Variants in MED23 observed in about 807,000 individuals in gnomAD.
MED23 encodes the protein mediator complex subunit 23, also known as mediator of RNA polymerase II transcription subunit 23.
A neutral mutation model predicts 163.9 loss-of-function variants in MED23; 105 were observed. That is an observed-to-expected ratio of 0.64 (90% CI 0.55 to 0.75). The LOEUF (loss-of-function observed/expected upper bound fraction) is 0.75. Among genes scored for constraint, MED23 ranks in the 30% least tolerant of loss-of-function variants. The pLI is 0.00. For missense variants in MED23, 1,054 were observed against 1,649.0 expected, an observed-to-expected ratio of 0.64 and a Z score of 6.25; for synonymous variants, 561 against 565.6, an observed-to-expected ratio of 0.99 and a Z score of 0.12.
At chr6:131,599,044 G>GA (rs1007011003) in intron 18 of MED23, among the ~76,000 whole-genome samples, 1 of 151,786 alleles carries the variant, frequency 6.6e-6, no homozygotes, top group South Asian at 2.1e-4. Context: ...ATCTTAAAAA[G>GA]AAAAAAAAGA....
chr6:131,620,567 C>T, intron 7 of MED23, 61 bp downstream of exon 7: 2 of 1,114,708 alleles, frequency 1.8e-6, no homozygotes, highest in South Asian at 2.5e-5. Flanking sequence ...TCCCAAAGTG[C>T]TGTGAGCCAC....
At chr6:131,605,867 C>G (rs2749924) in intron 13 of MED23, among the ~76,000 whole-genome samples, 53,007 of 151,970 alleles carry the variant, frequency 0.35, 12,584 homozygotes, top group African/African-American at 0.67. Flanking sequence ...TGGTTAAGGG[C>G]TGTCTCATAA....
At chr6:131,589,924 T>C (rs2114580569) in intron 27 of MED23, among the ~76,000 whole-genome samples, 1 of 152,312 alleles carries the variant, frequency 6.6e-6, no homozygotes, top group South Asian at 2.1e-4. Context: ...TAGGGATCCT[T>C]TGGATTATAC....
At chr6:131,616,127 T>C (rs1776671530) in intron 9 of MED23, 125 bp from the exon 10 acceptor site, 1 of 763,232 alleles carries the variant, frequency 1.3e-6, no homozygotes, top group Admixed American at 2.1e-5. Context: ...CAGTATCTAG[T>C]GGGAAAAAAA....
rs568965745 is a variant in MED23, at chr6:131,621,243, C to T, written c.496-514G>A. On this transcript the variant is annotated intron_variant, in intron 6 of 28. Transcript: ENST00000368068. ...GAATAAGTTCAAGAGACCTACTGGA[C>T]ATTATGGTGACTATGGTTAATAACG... 1.2e-4 allele frequency among the ~76,000 whole-genome samples: 18 copies of T among 152,190 alleles called. No individual in the cohort carries two copies. In the South Asian group the frequency reaches 3.5e-3, roughly 30 times the overall value.
In MED23 at chr6:131,576,625, T is replaced by C. The variant is rs913418921; in HGVS notation, c.4096-2330A>G. Reference sequence around the variant, plus strand: ...TCCTGCTGTGAGCATCTGATGGTCATGATAATGTCTGAAGTACTTTATTTT... The same window carrying C: ...TCCTGCTGTGAGCATCTGATGGTCACGATAATGTCTGAAGTACTTTATTTT... On this transcript the variant is annotated intron_variant, in intron 30 of 30. Transcript: ENST00000354577. 3.8e-6 allele frequency: 6 copies of C among 1,568,530 alleles called. No homozygotes were observed. In the African/African-American group the frequency reaches 5.4e-5, roughly 14 times the overall value.
chr6:131,628,251 C>G, upstream of MED23: 1 of 611,772 alleles, frequency 1.6e-6, no homozygotes, highest in Non-Finnish European at 2.9e-6. Flanking sequence ...ACGGGAAGGG[C>G]CCGGTACGCG....
chr6:131,622,065 TC>T, intron 5 of MED23, 86 bp from the exon 6 acceptor site: 1 of 881,960 alleles, frequency 1.1e-6, no homozygotes. Context: ...GGTGATATAT[TC>T]CTTCAAGGTC....
At chr6:131,579,339 G>A in intron 30 of MED23, 1 of 1,587,492 alleles carries the variant, frequency 6.3e-7, no homozygotes, top group African/African-American at 1.3e-5. Context: ...AGTAACCAAG[G>A]CCATAAGAAG....
At chr6:131,590,288 A>T in intron 27 of MED23, 34 bp downstream of exon 27, 1 of 1,589,334 alleles carries the variant, frequency 6.3e-7, no homozygotes, top group Non-Finnish European at 8.6e-7. Context: ...TTCAGAATTT[A>T]ATCATGTCAC....
At chr6:131,591,152 G>A (rs972825715) in intron 26 of MED23, among the ~76,000 whole-genome samples, 161 bp downstream of exon 26, 1 of 140,472 alleles carries the variant, frequency 7.1e-6, no homozygotes, top group Admixed American at 7.1e-5. Flanking sequence ...GCTAATTTTT[G>A]TATTTTTAGT....
chr6:131,621,783 G>C, intron 6 of MED23, 98 bp downstream of exon 6: 1 of 618,142 alleles, frequency 1.6e-6, no homozygotes, highest in Non-Finnish European at 2.7e-6. Context: ...AAGAAATAGA[G>C]CATCTCACAA....
chr6:131,608,607 T>C (rs957185500), intron 11 of MED23, among the ~76,000 whole-genome samples: 3 of 152,108 alleles, frequency 2.0e-5, no homozygotes, highest in Admixed American at 1.3e-4. Flanking sequence ...GGTCTTGCCA[T>C]GTTTCCCAGG....
chr6:131,608,201 A>G, intron 11 of MED23, 130 bp from the exon 12 acceptor site: 3 of 952,920 alleles, frequency 3.1e-6, no homozygotes, highest in Non-Finnish European at 4.9e-6. Flanking sequence ...GTCAGCATCT[A>G]ACTTTGGCAC....
At chr6:131,574,305 A>G (rs1298151306) in intron 30 of MED23, 2 of 1,613,836 alleles carry the variant, frequency 1.2e-6, no homozygotes, top group East Asian at 2.2e-5. Flanking sequence ...ACTGCAAAAC[A>G]AATTGAGAGA....
intron 4 of MED23, among the ~76,000 whole-genome samples, chr6:131,624,062 G>GCT (rs1777309113): frequency 6.6e-6 from 1 of 152,162 alleles, no homozygotes; most frequent in Non-Finnish European, 1.5e-5. Flanking sequence ...TCTATCTAAA[G>GCT]CTTTCGGTTA....
chr6:131,622,958 T>C (rs565730186), intron 5 of MED23, among the ~76,000 whole-genome samples: 1 of 152,318 alleles, frequency 6.6e-6, no homozygotes, highest in South Asian at 2.1e-4. Flanking sequence ...TTAATTGAGG[T>C]AAGACCCACG....
chr6:131,613,514 G>A (rs1483709963), intron 10 of MED23, among the ~76,000 whole-genome samples: 1 of 152,138 alleles, frequency 6.6e-6, no homozygotes, highest in Non-Finnish European at 1.5e-5. Flanking sequence ...GATAAAAGAT[G>A]TGATAAGATG....
Position 131,608,044 on chromosome 6 carries a change from T to A in MED23, c.1105A>T (p.Arg369Ter). Residue 369 changes from arginine (R) to a stop codon, truncating the protein, a stop_gained, in exon 12 of 29, where the codon AGA becomes TGA. Coordinates refer to ENST00000368068, the MANE Select transcript of MED23 (RefSeq NM_004830.4). LOFTEE classifies it high-confidence loss of function. ...KLAGRGLIKG[R>*]DHLMWVLLQF... is the part of the protein sequence containing the mutation. ...AGGAGAACCCACATAAGATGATCTC[T>A]GCCTTTAATCAGTCCTCGCCCTGCT... 6.2e-7 allele frequency: 1 copy of A among 1,613,712 alleles called. No homozygotes were observed. The highest frequency in any genetic ancestry group is 8.5e-7 in the Non-Finnish European group (1 of 1,179,752).
Sources: gnomAD v4.1 joint callset for allele counts (sites outside exome capture counted in the v4.1 genomes callset) on GRCh38, gnomAD v4.1.1 for gene constraint, MANE v1.5 for transcripts, NCBI Gene and HGNC (gene_info 2026-07-23, HGNC 2026-07-21) for gene names.